The following PIK3R6 variants were observed in gnomAD, a reference collection of about 807,000 sequenced individuals.
PIK3R6 encodes the protein phosphoinositide 3-kinase regulatory subunit 6.
PIK3R6 carries 91 observed loss-of-function variants against 84.9 expected under a neutral mutation model. That is an observed-to-expected ratio of 1.07 (90% CI 0.90 to 1.28). The LOEUF is 1.28. PIK3R6 is among the 50% of genes most tolerant of loss of function. The pLI is 0.00. For synonymous variants in PIK3R6, 416 were observed against 411.4 expected, an observed-to-expected ratio of 1.01 and a Z score of -0.13; for missense variants, 996 against 985.1, an observed-to-expected ratio of 1.01 and a Z score of -0.15.
chr17:8,815,119 A>G (rs995864609), intron 18 of PIK3R6, among the ~76,000 whole-genome samples: 1 of 152,236 alleles, frequency 6.6e-6, no homozygotes, highest in African/African-American at 2.4e-5. Flanking sequence ...AATATTTTAA[A>G]TTTGTAGACT....
intron 12 of PIK3R6, among the ~76,000 whole-genome samples, chr17:8,827,742 G>GGAGA (rs150830895): frequency 1.1e-5 from 1 of 90,908 alleles, no homozygotes; most frequent in Non-Finnish European, 2.2e-5. Context: ...GGAGGGAAGG[G>GGAGA]GAGAGAGAGA....
intron 18 of PIK3R6, among the ~76,000 whole-genome samples, chr17:8,808,168 A>G (rs2151173397): frequency 6.6e-6 from 1 of 152,330 alleles, no homozygotes; most frequent in South Asian, 2.1e-4. Context: ...TAAACGAGAC[A>G]GGAGATATAA....
chr17:8,853,080 A>C (rs2089018153), intron 1 of PIK3R6, among the ~76,000 whole-genome samples: 1 of 152,220 alleles, frequency 6.6e-6, no homozygotes, highest in Non-Finnish European at 1.5e-5. Context: ...CAAGTAAATA[A>C]ATTAATCTGT....
chr17:8,827,148 C>T (rs1368778205), intron 13 of PIK3R6, 24 bp downstream of exon 13: 2 of 1,610,750 alleles, frequency 1.2e-6, no homozygotes, highest in South Asian at 2.2e-5. Context: ...TCTCTCCCTC[C>T]CTGGTACCCT....
intron 13 of PIK3R6, among the ~76,000 whole-genome samples, chr17:8,824,831 C>T (rs1431274017): frequency 1.3e-5 from 2 of 151,998 alleles, no homozygotes; most frequent in African/African-American, 2.4e-5. Flanking sequence ...CAGGTATAAG[C>T]CAGAAAATGT....
chr17:8,816,857 AT>A (rs1240056552), intron 18 of PIK3R6, among the ~76,000 whole-genome samples: 1 of 152,230 alleles, frequency 6.6e-6, no homozygotes, highest in Non-Finnish European at 1.5e-5. Flanking sequence ...TTGGCAAAAT[AT>A]ATAAAAAGGA....
intron 1 of PIK3R6, among the ~76,000 whole-genome samples, chr17:8,855,743 C>A (rs1335496219): frequency 6.6e-6 from 1 of 152,162 alleles, no homozygotes; most frequent in East Asian, 1.9e-4. Flanking sequence ...GGTGAGAATG[C>A]AAAATGGCAC....
intron 17 of PIK3R6, among the ~76,000 whole-genome samples, 154 bp downstream of exon 17, chr17:8,821,692 C>T (rs1439332690): frequency 6.6e-6 from 1 of 152,298 alleles, no homozygotes; most frequent in Non-Finnish European, 1.5e-5. Flanking sequence ...GGTGACCCGA[C>T]AGCAAGCAAC....
At chr17:8,845,983 C>T (rs930831077) in intron 2 of PIK3R6, among the ~76,000 whole-genome samples, 2 of 152,138 alleles carry the variant, frequency 1.3e-5, no homozygotes, top group African/African-American at 4.8e-5. Flanking sequence ...GTAATTAGGT[C>T]TCAATTGTCG....
Position 8,802,981 on chromosome 17 carries a change from A to G in PIK3R6, c.*292T>C. 2.8e-6 allele frequency: 1 copy of G among 362,572 alleles called. No individual in the cohort carries two copies. The highest frequency in any genetic ancestry group is 2.8e-5 in the South Asian group (1 of 35,228). 22.5% of individuals were successfully genotyped at this position (362,572 alleles called of 1,614,324 possible). A position where few individuals can be genotyped will look rare whatever the true frequency, so the allele number is the denominator to read the frequency against. On this transcript the variant is annotated 3_prime_UTR_variant, in exon 20 of 20. Transcript: ENST00000619866. Reference sequence around the variant, plus strand: ...AGCTTGGGTGGGAGAGGACAGTGGGAGAAGTGGGAATTGAAGCTAAATGAA... The same window carrying G: ...AGCTTGGGTGGGAGAGGACAGTGGGGGAAGTGGGAATTGAAGCTAAATGAA...
intron 1 of PIK3R6, among the ~76,000 whole-genome samples, chr17:8,864,827 G>C (rs969978882): frequency 6.6e-6 from 1 of 152,056 alleles, no homozygotes; most frequent in Non-Finnish European, 1.5e-5. Flanking sequence ...GTGAGCCACC[G>C]CACCCAGCCC....
intron 1 of PIK3R6, among the ~76,000 whole-genome samples, chr17:8,866,996 T>C (rs2151331146): frequency 1.3e-5 from 2 of 152,324 alleles, no homozygotes; most frequent in South Asian, 4.1e-4. Context: ...AGGAAAGTGA[T>C]GGGCAGATGA....
At chr17:8,856,074 C>A (rs905880756) in intron 1 of PIK3R6, among the ~76,000 whole-genome samples, 3 of 152,202 alleles carry the variant, frequency 2.0e-5, no homozygotes, top group Admixed American at 2.0e-4. Flanking sequence ...CTAAATCCTG[C>A]ATGCCGTATG....
intron 8 of PIK3R6, 65 bp from the exon 9 acceptor site, chr17:8,833,110 C>T (rs2088320064): frequency 6.8e-7 from 1 of 1,477,842 alleles, no homozygotes; most frequent in East Asian, 2.5e-5. Flanking sequence ...GCTCCTAAGC[C>T]AAGTCCGCAG....
chr17:8,860,409 A>G (rs1232739579), intron 1 of PIK3R6, among the ~76,000 whole-genome samples: 1 of 152,100 alleles, frequency 6.6e-6, no homozygotes, highest in Non-Finnish European at 1.5e-5. Context: ...TCTGAGGTGG[A>G]GCAGTTTCAT....
At chr17:8,819,263 T>C in intron 17 of PIK3R6, 65 bp from the exon 18 acceptor site, 1 of 1,216,470 alleles carries the variant, frequency 8.2e-7, no homozygotes, top group Non-Finnish European at 1.2e-6. Flanking sequence ...ATATTCTAGG[T>C]CTCAAGATCT....
intron 1 of PIK3R6, among the ~76,000 whole-genome samples, chr17:8,860,370 G>A (rs1042887763): frequency 1.3e-5 from 2 of 152,106 alleles, no homozygotes; most frequent in East Asian, 3.9e-4. Flanking sequence ...CAGGCTGCCC[G>A]TTTCTTAAGA....
intron 12 of PIK3R6, 56 bp downstream of exon 12, chr17:8,828,056 C>T: frequency 1.9e-6 from 3 of 1,556,694 alleles, no homozygotes; most frequent in Non-Finnish European, 2.7e-6. Context: ...GCAGGTGTGT[C>T]CCTGCCCAGC....
Position 8,803,769 on chromosome 17 carries a change from C to G in PIK3R6, c.2108+272G>C. The G allele has an allele frequency of 1.8e-6, 1 of 569,516 alleles. No individual in the cohort carries two copies. Among genetic ancestry groups the G allele is most frequent in the Non-Finnish European group, 3.1e-6 (1 of 318,550 alleles). 35.3% of individuals were successfully genotyped at this position (569,516 alleles called of 1,614,324 possible). ...CCCGTGCCTGCAGAGGGGACTGGAT[C>G]AGGAGGCTGCAGGCTGAGTGTATGC... On this transcript the variant is annotated intron_variant, in intron 19 of 19. Transcript: ENST00000619866. The surrounding 1 kb of genome is among the most constrained non-coding windows in gnomAD (Gnocchi z 5.0).
Sources: allele counts gnomAD v4.1 joint callset (sites outside exome capture counted in the v4.1 genomes callset), GRCh38; gene constraint gnomAD v4.1.1; non-coding constraint Gnocchi (gnomAD v3.1); transcripts MANE v1.5; gene names NCBI Gene and HGNC (gene_info 2026-07-23, HGNC 2026-07-21).